Variants in RAB10 observed in about 807,000 individuals in gnomAD.
The protein encoded by RAB10 is RAB10, member RAS oncogene family, also known as ras-related protein Rab-10.
A neutral mutation model predicts 25.7 loss-of-function variants in RAB10; 5 were observed. The ratio of observed to expected loss-of-function variants is 0.19; its 90% CI spans 0.10 to 0.41. The LOEUF (loss-of-function observed/expected upper bound fraction) is 0.41, where lower values mean the gene tolerates loss of function less well. Ranked by LOEUF, RAB10 falls within the 10% of genes least tolerant of loss-of-function variation. RAB10 has a pLI of 1.00. For missense variants in RAB10, 103 were observed against 245.8 expected (o/e 0.42, Z 3.89); for synonymous variants, 89 against 86.4 (o/e 1.03, Z -0.16).
chr2:26,087,353 C>T (rs1038678747), intron 1 of RAB10, among the ~76,000 whole-genome samples: 1 of 152,130 alleles, frequency 6.6e-6, no homozygotes, highest in Non-Finnish European at 1.5e-5. Context: ...TTAGTAATTA[C>T]CTAGTAAACA....
chr2:26,056,388 T>C (rs1574530591), intron 1 of RAB10, among the ~76,000 whole-genome samples: 1 of 151,692 alleles, frequency 6.6e-6, no homozygotes, highest in Admixed American at 6.6e-5. Context: ...TAGTAGATAG[T>C]GGGTTTCACC....
chr2:26,105,100 A>G (rs1667439896), intron 2 of RAB10, among the ~76,000 whole-genome samples: 1 of 152,072 alleles, frequency 6.6e-6, no homozygotes, highest in South Asian at 2.1e-4. Flanking sequence ...TTGCATGGAT[A>G]TATTCAGTTG....
intron 1 of RAB10, among the ~76,000 whole-genome samples, chr2:26,041,468 G>A (rs183782039): frequency 1.3e-5 from 2 of 151,058 alleles, no homozygotes; most frequent in Admixed American, 6.6e-5. Flanking sequence ...GCTTAAACCC[G>A]GGAGGCGGAG....
At chr2:26,038,727 C>T (rs1665819520) in intron 1 of RAB10, among the ~76,000 whole-genome samples, 1 of 151,344 alleles carries the variant, frequency 6.6e-6, no homozygotes, top group South Asian at 2.1e-4. Flanking sequence ...TCGAGACCAT[C>T]CTGCCAAACA....
intron 1 of RAB10, among the ~76,000 whole-genome samples, chr2:26,061,760 C>G (rs999172603): frequency 6.9e-6 from 1 of 145,970 alleles, no homozygotes. Context: ...CCCCACCCCA[C>G]CCCCCCTTGT....
At chr2:26,045,417 T>G (rs2149262368) in intron 1 of RAB10, among the ~76,000 whole-genome samples, 1 of 152,212 alleles carries the variant, frequency 6.6e-6, no homozygotes, top group Middle Eastern at 3.4e-3. Flanking sequence ...TTTTTTGTAT[T>G]TTTAGTAGAG....
chr2:26,078,063 TAAAG>T (rs2149272653), intron 1 of RAB10, among the ~76,000 whole-genome samples: 1 of 152,256 alleles, frequency 6.6e-6, no homozygotes, highest in South Asian at 2.1e-4. Context: ...ATCCAAAAAT[TAAAG>T]TAAGACAATT....
At chr2:26,129,885 TGA>T (rs940341101) in intron 5 of RAB10, among the ~76,000 whole-genome samples, 2 of 152,206 alleles carry the variant, frequency 1.3e-5, no homozygotes, top group African/African-American at 4.8e-5. Context: ...CATAGTGTAT[TGA>T]GTGATAAAAA....
At chr2:26,084,129 A>G (rs1666927314) in intron 1 of RAB10, among the ~76,000 whole-genome samples, 1 of 152,136 alleles carries the variant, frequency 6.6e-6, no homozygotes, top group South Asian at 2.1e-4. Context: ...TCTGCCTGGA[A>G]CACTCTCCCC....
At chr2:26,071,707 G>T (rs960688336) in intron 1 of RAB10, among the ~76,000 whole-genome samples, 6 of 148,286 alleles carry the variant, frequency 4.0e-5, no homozygotes, top group African/African-American at 1.2e-4. Context: ...AAAAAAGGAA[G>T]TTTGGAATTT....
chr2:26,067,106 G>A (rs1666531052), intron 1 of RAB10, among the ~76,000 whole-genome samples: 1 of 151,898 alleles, frequency 6.6e-6, no homozygotes, highest in African/African-American at 2.4e-5. Context: ...TTGTAGAGAC[G>A]GGGTCTCCCT....
chr2:26,102,831 G>T (rs1375610907), intron 2 of RAB10, among the ~76,000 whole-genome samples: 1 of 152,084 alleles, frequency 6.6e-6, no homozygotes, highest in Non-Finnish European at 1.5e-5. Flanking sequence ...TACAGGCAAA[G>T]CCAGGGTTTT....
rs889872022 is a variant in RAB10 at position 26,111,824 on chromosome 2, T to A, written c.327+1918T>A. Among the ~76,000 whole-genome samples, 3 of 152,240 alleles carry A rather than the reference T, an allele frequency of 2.0e-5. 1 individual carries two copies. In the South Asian group the frequency reaches 6.2e-4, roughly 32 times the overall value. ...TGACTACCCTGAATTAGTATCAGAC[T>A]CCACAAGTTTAAGGACTCATTCCTA... On this transcript the variant is annotated intron_variant, in intron 3 of 5. Transcript: ENST00000264710.
intron 1 of RAB10, 96 bp from the exon 2 acceptor site, chr2:26,098,566 C>A: frequency 1.2e-6 from 1 of 858,816 alleles, no homozygotes; most frequent in Non-Finnish European, 1.8e-6. Context: ...CAAACACAGA[C>A]AAGTTTAAAA....
chr2:26,128,800 G>C (rs954965948), intron 5 of RAB10, among the ~76,000 whole-genome samples: 7 of 151,182 alleles, frequency 4.6e-5, no homozygotes, highest in South Asian at 4.2e-4. Flanking sequence ...GTTTGTTTCT[G>C]GGTTTAAGAT....
intron 1 of RAB10, among the ~76,000 whole-genome samples, chr2:26,094,412 C>T (rs532432515): frequency 5.1e-4 from 77 of 150,074 alleles, no homozygotes; most frequent in East Asian, 2.6e-3. Context: ...CCACCACACC[C>T]GGCTAATTTT....
rs1559597816 is a variant in RAB10 at position 26,117,637 on chromosome 2, A to AAAAAAAAAAC, written c.327+7738_327+7739insAACAAAAAAA. Among the ~76,000 whole-genome samples, 4 of 138,136 alleles carry AAAAAAAAAAC rather than the reference A, an allele frequency of 2.9e-5. 1 individual carries two copies. Among genetic ancestry groups the AAAAAAAAAAC allele is most frequent in the African/African-American group, 2.7e-5 (1 of 36,584 alleles). The allele number at this position is 138,136 out of a possible 152,430, so 90.6% of individuals were successfully genotyped here. A position where few individuals can be genotyped will look rare whatever the true frequency, so the allele number is the denominator to read the frequency against. ...TCCGTCTCAAAAAAAAAAAAAAAAC[A>AAAAAAAAAAC]AAAAAAACAAAAGAGTTAGGAAGTA... On this transcript the variant is annotated intron_variant, in intron 3 of 5. Transcript: ENST00000264710.
chr2:26,058,177 C>T (rs982178587), intron 1 of RAB10, among the ~76,000 whole-genome samples: 4 of 152,100 alleles, frequency 2.6e-5, no homozygotes, highest in East Asian at 1.9e-4. Context: ...TCATTATCTC[C>T]GCTGCTACCA....
At chr2:26,108,729 G>C (rs929595975) in intron 2 of RAB10, among the ~76,000 whole-genome samples, 1 of 151,950 alleles carries the variant, frequency 6.6e-6, no homozygotes, top group African/African-American at 2.4e-5. Context: ...GGAAAAGCTG[G>C]GTGAAAGGTA....
Sources: allele counts gnomAD v4.1 joint callset (sites outside exome capture counted in the v4.1 genomes callset), GRCh38; gene constraint gnomAD v4.1.1; transcripts MANE v1.5; gene names NCBI Gene and HGNC (gene_info 2026-07-23, HGNC 2026-07-21).